LVRN: variants seen among roughly 807,000 people sequenced by gnomAD.
LVRN encodes the protein aminopeptidase Q.
Under a neutral mutation model 111.4 loss-of-function variants are expected in LVRN, and 99 were observed. The ratio of observed to expected loss-of-function variants is 0.89; its 90% CI spans 0.76 to 1.05. The LOEUF (loss-of-function observed/expected upper bound fraction) is 1.05, where lower values mean the gene tolerates loss of function less well. Ranked by LOEUF, LVRN falls within the 50% of genes least tolerant of loss-of-function variation. The probability of loss-of-function intolerance (pLI) is 0.00; values close to 1 mark genes in which losing one functional copy is unlikely to be tolerated. For missense variants in LVRN, 1,414 were observed against 1,206.8 expected, an observed-to-expected ratio of 1.17 and a Z score of -2.54; for synonymous variants, 488 against 449.5, an observed-to-expected ratio of 1.09 and a Z score of -1.08.
chr5:116,014,836 G>A (rs928016417), intron 16 of LVRN, among the ~76,000 whole-genome samples: 1 of 151,998 alleles, frequency 6.6e-6, no homozygotes, highest in Non-Finnish European at 1.5e-5. Flanking sequence ...CTTTATGATT[G>A]TTTATGATTG....
At chr5:115,998,463 A>G (rs1343902307) in intron 6 of LVRN, among the ~76,000 whole-genome samples, 1 of 152,196 alleles carries the variant, frequency 6.6e-6, no homozygotes, top group African/African-American at 2.4e-5. Context: ...AAAAGGATGA[A>G]AAAGAACTAC....
chr5:115,975,423 TA>T (rs1753423717), intron 1 of LVRN: 1 of 190,022 alleles, frequency 5.3e-6, no homozygotes, highest in Non-Finnish European at 1.1e-5. Flanking sequence ...TCTAAACTTT[TA>T]TTGCATCACT....
intron 5 of LVRN, 102 bp from the exon 6 acceptor site, chr5:115,993,639 A>G: frequency 1.4e-6 from 1 of 722,102 alleles, no homozygotes; most frequent in Admixed American, 3.3e-5. Context: ...ATAAATTTTA[A>G]TTATGTCTTT....
At chr5:116,021,555 T>C (rs1474279821) in intron 18 of LVRN, 1 of 263,948 alleles carries the variant, frequency 3.8e-6, no homozygotes, top group Non-Finnish European at 7.4e-6. Flanking sequence ...TCACCTTTAT[T>C]AGTATATTAT....
At chr5:116,001,328 C>A in intron 10 of LVRN, 89 bp downstream of exon 10, 1 of 1,438,532 alleles carries the variant, frequency 7.0e-7, no homozygotes, top group Non-Finnish European at 9.6e-7. Context: ...AGAAGCGTTA[C>A]CCCCGCTGGG....
At chr5:116,017,333 CT>C (rs1748622830) in intron 18 of LVRN, among the ~76,000 whole-genome samples, 1 of 152,166 alleles carries the variant, frequency 6.6e-6, no homozygotes, top group Admixed American at 6.5e-5. Flanking sequence ...TTTGTGTGCT[CT>C]TCATTGGTGA....
At chr5:116,021,721 T>C (rs1217737215) in intron 18 of LVRN, 2 of 453,106 alleles carry the variant, frequency 4.4e-6, no homozygotes, top group Non-Finnish European at 8.9e-6. Context: ...GTCTTTTATT[T>C]ACTTTTTTAA....
Position 115,992,177 on chromosome 5 carries a change from T to A in LVRN, c.1160T>A (p.Met387Lys), listed in dbSNP as rs775021811. The A allele has an allele frequency of 6.2e-7, 1 of 1,613,822 alleles. No individual in the cohort carries two copies. Among genetic ancestry groups the A allele is most frequent in the African/African-American group, 1.3e-5 (1 of 74,918 alleles). The change falls in exon 5 of 20, where the codon ATG becomes AAG. Residue 387 changes from methionine to lysine, a missense_variant. Coordinates refer to ENST00000357872, the MANE Select transcript of LVRN (RefSeq NM_173800.5). ...DNHAMENWGL[M>K]IFDESGLLLE... ...CATGCAATGGAAAACTGGGGACTAA[T>A]GATATTTGATGAATCAGGATTGTTG...
chr5:115,987,329 A>G (rs996332905), intron 3 of LVRN, among the ~76,000 whole-genome samples: 8 of 152,204 alleles, frequency 5.3e-5, no homozygotes, highest in African/African-American at 1.9e-4. Context: ...AAATTTTGTA[A>G]GTAAAGTAGG....
intron 1 of LVRN, 66 bp from the exon 2 acceptor site, chr5:115,983,221 C>T (rs1458325455): frequency 9.8e-5 from 143 of 1,454,982 alleles, no homozygotes; most frequent in Non-Finnish European, 1.3e-4. Context: ...CATCATCTCT[C>T]AATGTTTTTT....
At chr5:116,010,470 T>C in intron 13 of LVRN, 1 of 499,792 alleles carries the variant, frequency 2.0e-6, no homozygotes, top group Non-Finnish European at 3.9e-6. Context: ...ATAACTCTTC[T>C]ATTTCCTAAT....
chr5:116,011,726 G>A (rs545763508), intron 14 of LVRN, among the ~76,000 whole-genome samples: 82 of 152,234 alleles, frequency 5.4e-4, no homozygotes, highest in African/African-American at 1.9e-3. Flanking sequence ...AATTTTGGTG[G>A]GATTGAGGAG....
chr5:115,984,528 G>T, intron 2 of LVRN, 42 bp from the exon 3 acceptor site: 3 of 1,603,666 alleles, frequency 1.9e-6, no homozygotes, highest in Non-Finnish European at 2.6e-6. Context: ...ACATGTAATT[G>T]CTTAGATTTG....
chr5:116,007,201 A>G (rs1316059573), intron 13 of LVRN, among the ~76,000 whole-genome samples: 1 of 152,214 alleles, frequency 6.6e-6, no homozygotes, highest in African/African-American at 2.4e-5. Context: ...AAATTGTTAG[A>G]CATCAATTTC....
In LVRN at chr5:115,963,204, T is replaced by G. The variant is rs757057515; in HGVS notation, c.587T>G (p.Leu196Arg). 2.5e-6 allele frequency: 4 copies of G among 1,612,810 alleles called. No homozygotes were observed. The highest frequency in any genetic ancestry group is 3.4e-6 in the Non-Finnish European group (4 of 1,179,800). ...EYMVLELSEPLKPGSSYELQL... is the reference protein window; with the variant it reads ...EYMVLELSEPRKPGSSYELQL... ...ATGGTGCTGGAGCTCAGTGAGCCCC[T>G]GAAACCTGGTAGCAGCTACGAGCTG... is the stretch of plus-strand genomic sequence containing the variant. Residue 196 changes from leucine (L) to arginine (R), a missense_variant, in exon 1 of 20, where the codon CTG becomes CGG. Physicochemically the swap from Leu to Arg is moderately radical, Grantham distance 102. Coordinates refer to ENST00000357872, the MANE Select transcript of LVRN (RefSeq NM_173800.5).
rs750638546 is a variant in LVRN, at chr5:115,987,942, G to A, written c.1105+3G>A. On this transcript the variant is annotated splice_donor_region_variant and intron_variant, in intron 4 of 19. Coordinates refer to ENST00000357872, the MANE Select transcript of LVRN (RefSeq NM_173800.5). ...CAGTTACTCTCTTCCAAAAACAGGT[G>A]AGGTAATCTTTTCCTTTCAGTGCAT... 1.3e-5 allele frequency: 21 copies of A among 1,607,666 alleles called. No individual in the cohort carries two copies. The highest frequency in any genetic ancestry group is 1.6e-5 in the Non-Finnish European group (19 of 1,178,084).
rs540432070 is a variant in LVRN at position 116,027,489 on chromosome 5, C to T, written c.*1371C>T. Reference sequence around the variant, plus strand: ...CAGGGGAGGCTGTGGGACTTCACCACGTGGACAAACGAAAGCACAGGCTAC... The same window carrying T: ...CAGGGGAGGCTGTGGGACTTCACCATGTGGACAAACGAAAGCACAGGCTAC... On this transcript the variant is annotated 3_prime_UTR_variant, in exon 20 of 20. Coordinates refer to ENST00000357872, the MANE Select transcript of LVRN (RefSeq NM_173800.5). 7.9e-5 allele frequency: 12 copies of T among 152,298 alleles called. No individual in the cohort carries two copies. Among genetic ancestry groups the T allele is most frequent in the African/African-American group, 2.6e-4 (11 of 41,576 alleles). 9.4% of individuals were successfully genotyped at this position (152,298 alleles called of 1,614,324 possible).
chr5:115,970,032 T>C (rs1753289635), intron 1 of LVRN, among the ~76,000 whole-genome samples: 1 of 152,150 alleles, frequency 6.6e-6, no homozygotes. Flanking sequence ...GTTGCTTCTT[T>C]ATATTTCTAA....
chr5:116,000,538 C>A (rs1748216239), intron 8 of LVRN, 40 bp downstream of exon 8: 1 of 1,612,266 alleles, frequency 6.2e-7, no homozygotes, highest in Non-Finnish European at 8.5e-7. Context: ...TGGCAGTAAA[C>A]ATAAATTCCA....
Sources: gnomAD v4.1 joint callset for allele counts (sites outside exome capture counted in the v4.1 genomes callset) on GRCh38, gnomAD v4.1.1 for gene constraint, MANE v1.5 for transcripts, NCBI Gene and HGNC (gene_info 2026-07-23, HGNC 2026-07-21) for gene names.